The following TRIP11 variants were observed in gnomAD, a reference collection of about 807,000 sequenced individuals.
TRIP11 encodes thyroid hormone receptor interactor 11.
In TRIP11, 148 loss-of-function variants were observed where a neutral mutation model predicts 223.1. The observed-to-expected ratio is 0.66, with a 90% CI of 0.58 to 0.76. TRIP11 has a LOEUF of 0.76. Ranked by LOEUF, TRIP11 falls within the 30% of genes least tolerant of loss-of-function variation. The pLI is 0.00. For synonymous variants in TRIP11, 762 were observed against 772.6 expected (o/e 0.99, Z 0.23); for missense variants, 2,043 against 2,222.0 (o/e 0.92, Z 1.62).
At chr14:92,023,513 G>C (rs909825880) in intron 3 of TRIP11, among the ~76,000 whole-genome samples, 7 of 152,166 alleles carry the variant, frequency 4.6e-5, no homozygotes, top group East Asian at 1.9e-4. Context: ...TTTTCTACTT[G>C]TGGCATCAAA....
intron 11 of TRIP11, among the ~76,000 whole-genome samples, chr14:92,002,081 T>C (rs1453245103): frequency 1.3e-5 from 2 of 152,130 alleles, no homozygotes; most frequent in African/African-American, 2.4e-5. Flanking sequence ...TTGCCTATCA[T>C]CTCTTTTCAA....
Position 91,968,080 on chromosome 14 carries a change from G to A in TRIP11, c.*1593C>T, listed in dbSNP as rs2056357777. On this transcript the variant is annotated 3_prime_UTR_variant, in exon 21 of 21. Coordinates refer to ENST00000267622, the MANE Select transcript of TRIP11 (RefSeq NM_004239.4). ...CATCAACATGGAATTAAGACTTCCA[G>A]TCTTCCAAATACATTAGAAAGTACA... 2 of 202,516 alleles carry A rather than the reference G, an allele frequency of 9.9e-6. No homozygotes were observed. Among genetic ancestry groups the A allele is most frequent in the Non-Finnish European group, 2.0e-5 (2 of 98,490 alleles). 12.5% of individuals were successfully genotyped at this position (202,516 alleles called of 1,614,324 possible). A position where few individuals can be genotyped will look rare whatever the true frequency, so the allele number is the denominator to read the frequency against.
At chr14:92,033,769 A>C (rs1283400586) in intron 1 of TRIP11, among the ~76,000 whole-genome samples, 1 of 152,120 alleles carries the variant, frequency 6.6e-6, no homozygotes, top group Non-Finnish European at 1.5e-5. Context: ...AGAGTTTTTA[A>C]GGATTTAGGG....
chr14:92,023,243 A>C (rs2057137031), intron 3 of TRIP11, among the ~76,000 whole-genome samples: 1 of 152,196 alleles, frequency 6.6e-6, no homozygotes, highest in Admixed American at 6.5e-5. Context: ...GAGCTTTTGA[A>C]AATGACCAAT....
intron 15 of TRIP11, among the ~76,000 whole-genome samples, chr14:91,992,863 C>T (rs1350722395): frequency 2.4e-5 from 3 of 126,380 alleles, no homozygotes; most frequent in East Asian, 2.6e-4. Flanking sequence ...GAGCCGAGAT[C>T]GCGCTACTGC....
Position 91,969,734 on chromosome 14 carries a change from G to C in TRIP11, c.5879C>G (p.Pro1960Arg). The change falls in exon 21 of 21, where the codon CCT becomes CGT. Residue 1960 changes from proline (P) to arginine (R), a missense_variant. By Grantham distance (103) the Pro-to-Arg change is moderately radical (BLOSUM62 -2). Coordinates refer to ENST00000267622, the MANE Select transcript of TRIP11 (RefSeq NM_004239.4). ...PISDVLPTFT[P>R]LPALPDNSAG... ...ACTGTTGTCAGGTAACGCTGGCAAA[G>C]GTGTAAATGTGGGCAAAACATCTGA... The C allele has an allele frequency of 1.2e-6, 2 of 1,613,558 alleles. No homozygotes were observed. Among genetic ancestry groups the C allele is most frequent in the East Asian group, 2.2e-5 (1 of 44,888 alleles).
chr14:92,015,589 C>G (rs765139250), intron 6 of TRIP11, 107 bp downstream of exon 6: 20 of 883,672 alleles, frequency 2.3e-5, no homozygotes, highest in African/African-American at 3.4e-5. Context: ...ACCCGGGGGG[C>G]GGAGGTTGCA....
At chr14:92,028,075 C>T (rs761774272) in intron 2 of TRIP11, among the ~76,000 whole-genome samples, 2 of 152,202 alleles carry the variant, frequency 1.3e-5, no homozygotes, top group Admixed American at 1.3e-4. Flanking sequence ...AAACACCATA[C>T]ATAACTCAGC....
rs1425909861 is a variant in TRIP11, at chr14:91,968,195, C to T, written c.*1478G>A. 3 of 199,002 alleles carry T rather than the reference C, an allele frequency of 1.5e-5. No individual in the cohort carries two copies. Among genetic ancestry groups the T allele is most frequent in the Non-Finnish European group, 3.1e-5 (3 of 96,438 alleles). 12.3% of individuals were successfully genotyped at this position (199,002 alleles called of 1,614,324 possible). On this transcript the variant is annotated 3_prime_UTR_variant, in exon 21 of 21. Transcript: ENST00000267622. ...TATTTGAATTTGTTTTATTTTCATC[C>T]TTCCTTGTTATACAAATGTTTCTAT...
chr14:91,981,010 ATATTTTTTT>A lies in TRIP11; in HGVS notation c.5261-4830_5261-4822del, dbSNP rs2056534570. Among the ~76,000 whole-genome samples the A allele has an allele frequency of 3.0e-4, 17 of 55,834 alleles. No individual in the cohort carries two copies. The South Asian group carries it at 9.8e-3, about 32-fold the overall frequency. The allele number at this position is 55,834 out of a possible 152,430, so 36.6% of individuals were successfully genotyped here. ...GTATATTATATATATATATATATATATATTTTTTTTTTTTTTTTTTTTTTTTGAGACAGA... is the reference window on the plus strand; with the variant it reads ...GTATATTATATATATATATATATATATTTTTTTTTTTTTTTTTGAGACAGA... On this transcript the variant is annotated intron_variant, in intron 16 of 20. Coordinates refer to ENST00000267622, the MANE Select transcript of TRIP11 (RefSeq NM_004239.4).
At chr14:91,983,834 T>A (rs1220544968) in intron 16 of TRIP11, among the ~76,000 whole-genome samples, 1 of 152,242 alleles carries the variant, frequency 6.6e-6, no homozygotes, top group East Asian at 1.9e-4. Context: ...TATGTTTTCT[T>A]GTATAAATCA....
chr14:91,972,067 A>T (rs549178178), intron 20 of TRIP11, among the ~76,000 whole-genome samples: 1 of 152,266 alleles, frequency 6.6e-6, no homozygotes, highest in East Asian at 1.9e-4. Flanking sequence ...CAATTGATAA[A>T]TTTTCTTGCG....
At position 92,025,418 on chromosome 14, in the gene TRIP11, A is replaced by G. The variant is rs1177642175; in HGVS notation, c.204T>C (p.Asn68=). 2 of 1,609,154 alleles carry G rather than the reference A, an allele frequency of 1.2e-6. No individual in the cohort carries two copies. The highest frequency in any genetic ancestry group is 2.2e-5 in the East Asian group (1 of 44,786). ...EAIHAILRSE[N]ERLKKLCTDL... ...CAGTACAAAGTTTCTTAAGCCTTTC[A>G]TTCTAGAAAAAAAAAGTATTTTCAA... The change falls in exon 3 of 21, where the codon AAT becomes AAC. Residue 68 remains asparagine, a splice_region_variant and synonymous_variant. Coordinates refer to ENST00000267622, the MANE Select transcript of TRIP11 (RefSeq NM_004239.4).
chr14:92,031,785 T>C (rs2057268794), intron 2 of TRIP11, among the ~76,000 whole-genome samples: 1 of 152,128 alleles, frequency 6.6e-6, no homozygotes, highest in South Asian at 2.1e-4. Flanking sequence ...AAATAAAAAT[T>C]TGGATTTGCT....
chr14:92,013,263 T>C (rs2056995270), intron 7 of TRIP11, among the ~76,000 whole-genome samples: 1 of 151,934 alleles, frequency 6.6e-6, no homozygotes, highest in South Asian at 2.1e-4. Flanking sequence ...CGAGACTCTG[T>C]CTCAAAAAAA....
Position 91,978,665 on chromosome 14 carries a change from A to G in TRIP11, c.5261-2476T>C, listed in dbSNP as rs1423833036. Among the ~76,000 whole-genome samples, 1 of 151,950 alleles carries G rather than the reference A, an allele frequency of 6.6e-6. No individual in the cohort carries two copies. Among genetic ancestry groups the G allele is most frequent in the Non-Finnish European group, 1.5e-5 (1 of 67,998 alleles). ...CCAGTGTGCACCACCACAACCAGCT[A>G]ATTTCTAATTTTTTGTAGAGATGGG... On this transcript the variant is annotated intron_variant, in intron 16 of 20. Coordinates refer to ENST00000267622, the MANE Select transcript of TRIP11 (RefSeq NM_004239.4). This position sits in a 1 kb window ranked among gnomAD's most constrained non-coding sequence, Gnocchi z 4.4.
chr14:92,023,281 T>C (rs932432344), intron 3 of TRIP11, among the ~76,000 whole-genome samples: 38 of 152,346 alleles, frequency 2.5e-4, no homozygotes, highest in Admixed American at 2.2e-3. Context: ...ATCCGAATGC[T>C]TGGGACTAGA....
Position 92,017,716 on chromosome 14 carries a change from T to G in TRIP11, c.623A>C (p.Gln208Pro). The G allele has an allele frequency of 1.2e-6, 2 of 1,612,968 alleles. No individual in the cohort carries two copies. Among genetic ancestry groups the G allele is most frequent in the Non-Finnish European group, 1.7e-6 (2 of 1,179,394 alleles). The change falls in exon 5 of 21, where the codon CAA becomes CCA. Residue 208 changes from glutamine to proline, a missense_variant. Physicochemically the swap from Gln to Pro is moderately conservative, Grantham distance 76 (BLOSUM62 -1). Coordinates refer to ENST00000267622, the MANE Select transcript of TRIP11 (RefSeq NM_004239.4). ...SKAQGTDNSDQSEICKLQNII... is the reference protein window; with the variant it reads ...SKAQGTDNSDPSEICKLQNII... ...ATTTTGTAGTTTACATATTTCACTT[T>G]GATCAGAGTTATCTGTTCCTTGTGC...
chr14:92,039,487 A>C, intron 1 of TRIP11, 60 bp downstream of exon 1: 1 of 1,590,616 alleles, frequency 6.3e-7, no homozygotes, highest in African/African-American at 1.3e-5. Context: ...GGAAGTAGGG[A>C]CCAAACGGAC....
Sources: allele counts gnomAD v4.1 joint callset (sites outside exome capture counted in the v4.1 genomes callset), GRCh38; gene constraint gnomAD v4.1.1; non-coding constraint Gnocchi (gnomAD v3.1); transcripts MANE v1.5; gene names NCBI Gene and HGNC (gene_info 2026-07-23, HGNC 2026-07-21).